The following ZFYVE1 variants were observed in gnomAD, a reference collection of about 807,000 sequenced individuals.
ZFYVE1 encodes the protein zinc finger FYVE domain-containing protein 1.
ZFYVE1 carries 30 observed loss-of-function variants against 74.4 expected under a neutral mutation model. The ratio of observed to expected loss-of-function variants is 0.40; its 90% confidence interval spans 0.30 to 0.55. The LOEUF (loss-of-function observed/expected upper bound fraction) is 0.55, where lower values mean the gene tolerates loss of function less well. Ranked by LOEUF, ZFYVE1 falls within the 20% of genes least tolerant of loss-of-function variation. The pLI is 0.42. For missense variants in ZFYVE1, 703 were observed against 1,011.6 expected (o/e 0.69, Z 4.14); for synonymous variants, 335 against 385.1 (o/e 0.87, Z 1.52).
At position 72,978,145 on chromosome 14, in the gene ZFYVE1, G is replaced by A; in HGVS notation, c.1509C>T (p.Ala503=). The part of the protein sequence containing the change: ...DSPWMGLAKY[A]WSGYVIECPN... ...ATGTTGTTTAAACTCACCCAGACCA[G>A]GCATATTTTGCGAGACCCATCCAGG... The change falls in exon 7 of 12, where the codon GCC becomes GCT. Residue 503 remains alanine, a synonymous_variant. Transcript: ENST00000556143. 6.2e-7 allele frequency: 1 copy of A among 1,614,186 alleles called. No individual in the cohort carries two copies.
intron 2 of ZFYVE1, among the ~76,000 whole-genome samples, chr14:73,016,486 T>A (rs997926098): frequency 2.0e-5 from 3 of 151,652 alleles, no homozygotes; most frequent in Non-Finnish European, 4.4e-5. Flanking sequence ...CACTCCAGCC[T>A]GGGCAACAGT....
At position 72,998,157 on chromosome 14, in the gene ZFYVE1, C is replaced by T. The variant is rs752127481; in HGVS notation, c.642G>A (p.Gln214=). The change falls in exon 3 of 12, where the codon CAG becomes CAA. Residue 214 remains glutamine (Q), a synonymous_variant. Transcript: ENST00000556143. ...GREVFKTSPT[Q]ESCTVGVWAA... Reference sequence around the variant, plus strand: ...CCCACACTCCCACAGTGCAGGACTCCTGGGTCGGGGAGGTTTTAAAGACTT... The same window carrying T: ...CCCACACTCCCACAGTGCAGGACTCTTGGGTCGGGGAGGTTTTAAAGACTT... 1 of 1,613,988 alleles carries T rather than the reference C, an allele frequency of 6.2e-7. No homozygotes were observed. The highest frequency in any genetic ancestry group is 1.7e-5 in the Admixed American group (1 of 59,994).
At chr14:72,993,516 G>A (rs1022190062) in intron 3 of ZFYVE1, among the ~76,000 whole-genome samples, 159 bp from the exon 4 acceptor site, 3 of 151,850 alleles carry the variant, frequency 2.0e-5, no homozygotes, top group African/African-American at 7.3e-5. Context: ...GGCCAACATG[G>A]TGAAACCCTG....
At chr14:73,019,905 C>T (rs533278294) in intron 2 of ZFYVE1, among the ~76,000 whole-genome samples, 5 of 149,258 alleles carry the variant, frequency 3.3e-5, no homozygotes, top group Admixed American at 6.7e-5. Flanking sequence ...GAGCCGAGAT[C>T]ACACCACGGC....
chr14:72,997,131 C>T (rs557344399), intron 3 of ZFYVE1, among the ~76,000 whole-genome samples: 1 of 152,314 alleles, frequency 6.6e-6, no homozygotes, highest in African/African-American at 2.4e-5. Context: ...GGTCCTAAGG[C>T]CGACCCTTCC....
chr14:73,023,223 T>TTTATATGTTTTATATGTAATATATATA lies in ZFYVE1; in HGVS notation c.483+776_483+802dup, dbSNP rs1894359347. 3.8e-5 allele frequency among the ~76,000 whole-genome samples: 5 copies of TTTATATGTTTTATATGTAATATATATA among 130,842 alleles called. No individual in the cohort carries two copies. In the South Asian group the frequency reaches 1.1e-3, roughly 30 times the overall value. The allele number at this position is 130,842 out of a possible 152,430, so 85.8% of individuals were successfully genotyped here. ...TATATGTTTTATATATAATATATAT[T>TTTATATGTTTTATATGTAATATATATA]TTATATGTTTTATATGTAATATATA... On this transcript the variant is annotated intron_variant, in intron 2 of 11. Coordinates refer to ENST00000556143, the MANE Select transcript of ZFYVE1 (RefSeq NM_021260.4).
intron 11 of ZFYVE1, among the ~76,000 whole-genome samples, chr14:72,973,492 A>C (rs199789280): frequency 0.018 from 2,766 of 151,914 alleles, 90 homozygotes; most frequent in East Asian, 0.053. Flanking sequence ...CCATCTCAAA[A>C]AAACAAACAA....
At chr14:72,976,582 A>G (rs1246325620) in intron 8 of ZFYVE1, among the ~76,000 whole-genome samples, 1 of 151,998 alleles carries the variant, frequency 6.6e-6, no homozygotes, top group Non-Finnish European at 1.5e-5. Flanking sequence ...CAAGAGATCG[A>G]GACCATCCTG....
intron 2 of ZFYVE1, among the ~76,000 whole-genome samples, chr14:73,011,303 T>C (rs1056501847): frequency 2.0e-5 from 3 of 151,468 alleles, no homozygotes; most frequent in African/African-American, 7.3e-5. Flanking sequence ...ATGGGCAACA[T>C]GACAAAACCC....
At chr14:72,977,875 A>G (rs1417268087) in intron 8 of ZFYVE1, 52 bp downstream of exon 8, 1 of 1,585,432 alleles carries the variant, frequency 6.3e-7, no homozygotes, top group African/African-American at 1.3e-5. Flanking sequence ...ATACACATGA[A>G]AAACTGAACG....
chr14:72,982,262 T>G (rs1035503054), intron 4 of ZFYVE1, among the ~76,000 whole-genome samples: 1 of 152,158 alleles, frequency 6.6e-6, no homozygotes, highest in Non-Finnish European at 1.5e-5. Flanking sequence ...TGGCTCCTCT[T>G]TAAGCCACAG....
intron 2 of ZFYVE1, among the ~76,000 whole-genome samples, chr14:73,005,473 G>A (rs1179199208): frequency 6.6e-6 from 1 of 152,092 alleles, no homozygotes; most frequent in Non-Finnish European, 1.5e-5. Flanking sequence ...ACGCAGGAGG[G>A]ATACCAAAGC....
chr14:73,026,605 C>G (rs1894466402), intron 1 of ZFYVE1, among the ~76,000 whole-genome samples: 1 of 152,134 alleles, frequency 6.6e-6, no homozygotes, highest in Non-Finnish European at 1.5e-5. Flanking sequence ...GCCATGTCAA[C>G]CAAACATTTT....
intron 2 of ZFYVE1, among the ~76,000 whole-genome samples, chr14:73,010,573 C>G: frequency 6.6e-6 from 1 of 151,638 alleles, no homozygotes; most frequent in Non-Finnish European, 1.5e-5. Context: ...GCACTCCAGC[C>G]TGGGCAACAA....
chr14:73,015,491 A>G (rs1358213313), intron 2 of ZFYVE1, among the ~76,000 whole-genome samples: 1 of 151,736 alleles, frequency 6.6e-6, no homozygotes, highest in African/African-American at 2.4e-5. Context: ...CCCTGGGTTC[A>G]TGCAATTCTC....
chr14:72,974,288 C>A, intron 10 of ZFYVE1, 95 bp from the exon 11 acceptor site: 1 of 1,153,268 alleles, frequency 8.7e-7, no homozygotes, highest in African/African-American at 1.5e-5. Context: ...GGATTCTGAT[C>A]CCAGACACCA....
chr14:72,986,563 C>CTTTTTTTT (rs751115992), intron 4 of ZFYVE1, among the ~76,000 whole-genome samples: 49 of 136,796 alleles, frequency 3.6e-4, no homozygotes, highest in Non-Finnish European at 6.6e-4. Flanking sequence ...TCAGCTTTTC[C>CTTTTTTTT]TTTTTTTTTT....
chr14:73,006,206 A>C (rs547949237), intron 2 of ZFYVE1, among the ~76,000 whole-genome samples: 1 of 150,934 alleles, frequency 6.6e-6, no homozygotes, highest in East Asian at 2.0e-4. Flanking sequence ...GGCGTGAGCC[A>C]CCGCGCCCGG....
rs1475962449 is a variant in ZFYVE1 at position 72,969,908 on chromosome 14, A to T, written c.*974T>A. 8.3e-6 allele frequency: 5 copies of T among 604,766 alleles called. No homozygotes were observed. Among genetic ancestry groups the T allele is most frequent in the Non-Finnish European group, 1.5e-5 (5 of 342,268 alleles). 37.5% of individuals were successfully genotyped at this position (604,766 alleles called of 1,614,324 possible). A position where few individuals can be genotyped will look rare whatever the true frequency, so the allele number is the denominator to read the frequency against. ...CAGTTTCCCTGGAAGGTTTCTCATG[A>T]TCGCCCCTCCGAGAGCTAGAGGGGT... On this transcript the variant is annotated 3_prime_UTR_variant, in exon 12 of 12. Coordinates refer to ENST00000556143, the MANE Select transcript of ZFYVE1 (RefSeq NM_021260.4).
Sources: gnomAD v4.1 joint callset for allele counts (sites outside exome capture counted in the v4.1 genomes callset) on GRCh38, gnomAD v4.1.1 for gene constraint, MANE v1.5 for transcripts, NCBI Gene and HGNC (gene_info 2026-07-23, HGNC 2026-07-21) for gene names.